TEX30: variants seen among roughly 807,000 people sequenced by gnomAD.
TEX30 encodes testis-expressed protein 30.
A neutral mutation model predicts 23.8 loss-of-function variants in TEX30; 14 were observed. The observed-to-expected ratio is 0.59, with a 90% CI of 0.39 to 0.92. The LOEUF (loss-of-function observed/expected upper bound fraction) is 0.92. TEX30 is among the 40% of genes least tolerant of loss of function. The pLI is 0.00. For missense variants in TEX30, 246 were observed against 270.6 expected (o/e 0.91, Z 0.64); for synonymous variants, 78 against 90.2 (o/e 0.87, Z 0.76).
At chr13:102,768,209 T>C in intron 4 of TEX30, 51 bp downstream of exon 4, 1 of 1,408,258 alleles carries the variant, frequency 7.1e-7, no homozygotes, top group South Asian at 1.3e-5. Context: ...CCATTACCTA[T>C]TCCTATATTA....
At chr13:102,769,278 CTGTTA>C (rs552405738) in intron 3 of TEX30, 28 bp downstream of exon 3, 60 of 1,348,214 alleles carry the variant, frequency 4.5e-5, no homozygotes, top group African/African-American at 2.3e-4. Context: ...AAACAGAATT[CTGTTA>C]TAAGTAAATA....
At position 102,768,015 on chromosome 13, in the gene TEX30, A is replaced by G. The variant is rs577099004; in HGVS notation, c.298+245T>C. The stretch of plus-strand genomic sequence containing the variant: ...CAAGGACAATCATTGTAAAGGAATC[A>G]TCATATGCAGGATGATGATTCAGGG... On this transcript the variant is annotated intron_variant, in intron 4 of 5. Transcript: ENST00000376032. Among the ~76,000 whole-genome samples, 4 of 152,342 alleles carry G rather than the reference A, an allele frequency of 2.6e-5. No homozygotes were observed. The South Asian group carries it at 6.2e-4, about 24-fold the overall frequency.
intron 1 of TEX30, among the ~76,000 whole-genome samples, chr13:102,771,028 A>C (rs1376691866): frequency 1.3e-5 from 2 of 152,214 alleles, no homozygotes; most frequent in African/African-American, 2.4e-5. Context: ...GGTACCAAGA[A>C]TATGTAGTGA....
At chr13:102,773,214 CG>C (rs1267352477) in intron 1 of TEX30, among the ~76,000 whole-genome samples, 2 of 152,190 alleles carry the variant, frequency 1.3e-5, no homozygotes, top group African/African-American at 4.8e-5. Context: ...CCGAGTCTTA[CG>C]GGGGGTCGGG....
intron 1 of TEX30, among the ~76,000 whole-genome samples, chr13:102,770,428 A>G (rs1258510483): frequency 6.6e-6 from 1 of 152,194 alleles, no homozygotes; most frequent in East Asian, 1.9e-4. Flanking sequence ...CAACTATCCT[A>G]AACTTAATTT....
intron 1 of TEX30, among the ~76,000 whole-genome samples, chr13:102,772,929 G>C (rs866158085): frequency 6.6e-6 from 1 of 152,244 alleles, no homozygotes; most frequent in Admixed American, 6.5e-5. Context: ...AGCCTGGCCC[G>C]GCCTCAGTGC....
At chr13:102,773,057 A>G (rs868737942) in intron 1 of TEX30, among the ~76,000 whole-genome samples, 1 of 152,240 alleles carries the variant, frequency 6.6e-6, no homozygotes, top group Non-Finnish European at 1.5e-5. Flanking sequence ...TTCTAGGACG[A>G]CAACTACTCA....
At chr13:102,771,029 T>C (rs1487782994) in intron 1 of TEX30, among the ~76,000 whole-genome samples, 2 of 152,194 alleles carry the variant, frequency 1.3e-5, no homozygotes, top group African/African-American at 4.8e-5. Context: ...GTACCAAGAA[T>C]ATGTAGTGAA....
intron 4 of TEX30, 76 bp downstream of exon 4, chr13:102,768,184 A>G: frequency 2.4e-6 from 3 of 1,246,352 alleles, no homozygotes; most frequent in Non-Finnish European, 3.4e-6. Flanking sequence ...CCTATGATCA[A>G]CTAATTTTAA....
rs1876862889 is a variant in TEX30 at position 102,766,233 on chromosome 13, C to G, written c.*168G>C. The G allele has an allele frequency of 3.7e-6, 2 of 537,324 alleles. No individual in the cohort carries two copies. The highest frequency in any genetic ancestry group is 3.9e-5 in the African/African-American group (2 of 51,902). 33.3% of individuals were successfully genotyped at this position (537,324 alleles called of 1,614,324 possible). Reference sequence around the variant, plus strand: ...CTTTATACAACTGTAACAGTGCTTTCAAAAGACATTTTGTGAAGGACATTA... The same window carrying G: ...CTTTATACAACTGTAACAGTGCTTTGAAAAGACATTTTGTGAAGGACATTA... On this transcript the variant is annotated 3_prime_UTR_variant, in exon 6 of 6. Coordinates refer to ENST00000376032, the MANE Select transcript of TEX30 (RefSeq NM_138779.5).
chr13:102,766,384 G>A lies in TEX30; in HGVS notation c.*17C>T. On this transcript the variant is annotated 3_prime_UTR_variant, in exon 6 of 6. Transcript: ENST00000376032. ...TCAAATTAACTGTATGTGTACTCAA[G>A]ATAACATGGCTTTTAACTAATGACA... 1 of 1,607,518 alleles carries A rather than the reference G, an allele frequency of 6.2e-7. No homozygotes were observed. Among genetic ancestry groups the A allele is most frequent in the Non-Finnish European group, 8.5e-7 (1 of 1,175,300 alleles).
intron 1 of TEX30, among the ~76,000 whole-genome samples, chr13:102,772,173 T>C (rs1442435259): frequency 6.6e-6 from 1 of 151,648 alleles, no homozygotes; most frequent in Non-Finnish European, 1.5e-5. Context: ...AGGTTCTCGC[T>C]CCGGCGGACA....
chr13:102,767,411 A>C lies in TEX30; in HGVS notation c.366T>G (p.Asp122Glu). The C allele has an allele frequency of 6.2e-7, 1 of 1,614,178 alleles. No individual in the cohort carries two copies. Among genetic ancestry groups the C allele is most frequent in the Non-Finnish European group, 8.5e-7 (1 of 1,180,026 alleles). ...AAATACAAATGAGACCCCGAACAAA[A>C]TCATCACCATCATCTGGCTCAATGT... is the stretch of plus-strand genomic sequence containing the variant. The part of the protein sequence containing the change: ...MCHIEPDDGD[D>E]FVRGLICISY... Residue 122 changes from aspartate to glutamate, a missense_variant, in exon 5 of 6, where the codon GAT (aspartate) becomes GAG (glutamate). Coordinates refer to ENST00000376032, the MANE Select transcript of TEX30 (RefSeq NM_138779.5).
In TEX30 at chr13:102,769,442, A is replaced by T; in HGVS notation, c.115T>A (p.Ser39Thr). ...TYGIILTHGA[S>T]GDMNLPHLMS... ...AAATGAGGAAGATTCATATCTCCTG[A>T]TGCTCCATGTGTAAGAATTATTCCA... is the stretch of plus-strand genomic sequence containing the variant. Residue 39 changes from serine to threonine, a missense_variant, in exon 3 of 6, where the codon TCA (serine) becomes ACA (threonine). Transcript: ENST00000376032. 1.2e-6 allele frequency: 2 copies of T among 1,612,110 alleles called. No individual in the cohort carries two copies. The highest frequency in any genetic ancestry group is 1.7e-6 in the Non-Finnish European group (2 of 1,179,286).
In TEX30 at chr13:102,769,541, C is replaced by T. The variant is rs764024282; in HGVS notation, c.16G>A (p.Val6Ile). The stretch of plus-strand genomic sequence containing the variant: ...TTTCCAAAAGGTATTTTTAATTTAA[C>T]CTGGAATTCAAGAGAATAAAGGGAT... MSHTE[V>I]KLKIPFGNKL... The change falls in exon 3 of 6, where the codon GTT becomes ATT. Residue 6 changes from valine to isoleucine, a missense_variant and splice_region_variant. Physicochemically the swap from Val to Ile is conservative, Grantham distance 29. Coordinates refer to ENST00000376032, the MANE Select transcript of TEX30 (RefSeq NM_138779.5). 4.5e-6 allele frequency: 7 copies of T among 1,563,526 alleles called. No individual in the cohort carries two copies. Among genetic ancestry groups the T allele is most frequent in the Non-Finnish European group, 5.2e-6 (6 of 1,148,102 alleles).
Sources: allele counts gnomAD v4.1 joint callset (sites outside exome capture counted in the v4.1 genomes callset), GRCh38; gene constraint gnomAD v4.1.1; transcripts MANE v1.5; gene names NCBI Gene and HGNC (gene_info 2026-07-23, HGNC 2026-07-21).